The following PPP3CA variants were observed in gnomAD, a reference collection of about 807,000 sequenced individuals.
The protein encoded by PPP3CA is CAM-PRP catalytic subunit.
PPP3CA carries 14 observed loss-of-function variants against 66.5 expected under a neutral mutation model. The ratio of observed to expected loss-of-function variants is 0.21; its 90% CI spans 0.14 to 0.33. The LOEUF (loss-of-function observed/expected upper bound fraction) is 0.33, where lower values mean the gene tolerates loss of function less well. Ranked by LOEUF, PPP3CA falls within the 10% of genes least tolerant of loss-of-function variation. The probability of loss-of-function intolerance (pLI) is 1.00; values close to 1 mark genes in which losing one functional copy is unlikely to be tolerated. For missense variants in PPP3CA, 317 were observed against 639.5 expected (o/e 0.50, Z 5.44); for synonymous variants, 232 against 226.2 (o/e 1.03, Z -0.23).
At chr4:101,191,899 A>T (rs1724616611) in intron 2 of PPP3CA, among the ~76,000 whole-genome samples, 1 of 152,170 alleles carries the variant, frequency 6.6e-6, no homozygotes, top group Non-Finnish European at 1.5e-5. Context: ...TGACCCAGGG[A>T]CAAATCCCCC....
At chr4:101,323,004 C>T (rs764372692) in intron 1 of PPP3CA, among the ~76,000 whole-genome samples, 2 of 152,086 alleles carry the variant, frequency 1.3e-5, no homozygotes, top group Non-Finnish European at 2.9e-5. Context: ...ATGAGAACAG[C>T]ATTAAAATAA....
At chr4:101,201,433 G>A (rs1373694595) in intron 1 of PPP3CA, among the ~76,000 whole-genome samples, 3 of 152,206 alleles carry the variant, frequency 2.0e-5, no homozygotes, top group Admixed American at 2.0e-4. Flanking sequence ...TAGGGCCAGG[G>A]CATTGGCCTA....
At chr4:101,083,051 T>G in intron 7 of PPP3CA, 135 bp downstream of exon 7, 1 of 543,506 alleles carries the variant, frequency 1.8e-6, no homozygotes, top group Non-Finnish European at 3.0e-6. Flanking sequence ...GTGTCATCCA[T>G]CAGAAGATAA....
intron 1 of PPP3CA, among the ~76,000 whole-genome samples, chr4:101,245,674 T>G (rs545733387): frequency 7.2e-5 from 11 of 151,986 alleles, no homozygotes; most frequent in Non-Finnish European, 1.0e-4. Context: ...CTATATTGGT[T>G]CCATCAATAT....
intron 1 of PPP3CA, among the ~76,000 whole-genome samples, chr4:101,289,249 A>G (rs1727943392): frequency 6.6e-6 from 1 of 152,234 alleles, no homozygotes; most frequent in Non-Finnish European, 1.5e-5. Context: ...ATATATACAT[A>G]TAGGTGTAAT....
At chr4:101,042,506 G>A (rs149046738) in intron 10 of PPP3CA, among the ~76,000 whole-genome samples, 1 of 152,244 alleles carries the variant, frequency 6.6e-6, no homozygotes, top group East Asian at 1.9e-4. Context: ...ATCCATGTGG[G>A]AGACAGCTGT....
At chr4:101,142,744 T>G (rs1722848447) in intron 2 of PPP3CA, among the ~76,000 whole-genome samples, 1 of 152,184 alleles carries the variant, frequency 6.6e-6, no homozygotes, top group African/African-American at 2.4e-5. Flanking sequence ...TAAAAACAAC[T>G]GTCATAATTA....
chr4:101,186,702 T>A (rs1724420952), intron 2 of PPP3CA, among the ~76,000 whole-genome samples: 1 of 152,130 alleles, frequency 6.6e-6, no homozygotes. Flanking sequence ...AGGGGACAGC[T>A]GTGGTTAGGA....
intron 1 of PPP3CA, among the ~76,000 whole-genome samples, chr4:101,221,627 A>C (rs983543456): frequency 2.0e-4 from 31 of 151,596 alleles, no homozygotes; most frequent in African/African-American, 7.2e-4. Context: ...TAAACAGACT[A>C]CTTTATTGAA....
At chr4:101,274,714 T>C (rs566440952) in intron 1 of PPP3CA, among the ~76,000 whole-genome samples, 11 of 152,200 alleles carry the variant, frequency 7.2e-5, no homozygotes, top group Non-Finnish European at 1.5e-4. Context: ...TGTTGTCCAA[T>C]TAGTAAAATC....
chr4:101,126,275 A>G (rs1288670903), intron 2 of PPP3CA, among the ~76,000 whole-genome samples: 1 of 152,200 alleles, frequency 6.6e-6, no homozygotes, highest in Non-Finnish European at 1.5e-5. Context: ...AGTAGTTTTC[A>G]TACAAAGATC....
intron 2 of PPP3CA, among the ~76,000 whole-genome samples, chr4:101,158,559 G>A (rs545716950): frequency 6.6e-6 from 1 of 152,282 alleles, no homozygotes; most frequent in East Asian, 1.9e-4. Flanking sequence ...ATAATTAAAT[G>A]TCAGATGAGA....
At chr4:101,202,454 A>C (rs77719513) in intron 1 of PPP3CA, among the ~76,000 whole-genome samples, 290 of 152,304 alleles carry the variant, frequency 1.9e-3, no homozygotes, top group East Asian at 0.014. Flanking sequence ...ATTAAAAAAA[A>C]GTATATCAGT....
chr4:101,266,961 C>T (rs1182016526), intron 1 of PPP3CA, among the ~76,000 whole-genome samples: 1 of 152,176 alleles, frequency 6.6e-6, no homozygotes, highest in Non-Finnish European at 1.5e-5. Context: ...ATGAGACAGA[C>T]GAACACCCCT....
intron 1 of PPP3CA, among the ~76,000 whole-genome samples, chr4:101,213,690 T>C (rs950695559): frequency 5.9e-5 from 9 of 152,280 alleles, no homozygotes; most frequent in Non-Finnish European, 1.3e-4. Context: ...ATCACAGTGT[T>C]CGTTTTATAG....
chr4:101,201,259 G>C (rs950922276), intron 1 of PPP3CA, among the ~76,000 whole-genome samples: 4 of 152,158 alleles, frequency 2.6e-5, no homozygotes, highest in Non-Finnish European at 5.9e-5. Context: ...ATGAGAACAA[G>C]GTGAGTGGAA....
At chr4:101,152,659 C>A (rs1334780548) in intron 2 of PPP3CA, among the ~76,000 whole-genome samples, 1 of 152,140 alleles carries the variant, frequency 6.6e-6, no homozygotes, top group African/African-American at 2.4e-5. Context: ...AGTCCTTGTA[C>A]AACTCTTTCT....
intron 1 of PPP3CA, among the ~76,000 whole-genome samples, chr4:101,337,716 G>C (rs184176727): frequency 3.3e-5 from 5 of 152,326 alleles, no homozygotes; most frequent in Admixed American, 6.5e-5. Flanking sequence ...GCTTGGAAAG[G>C]CCCAGCTGGC....
intron 8 of PPP3CA, among the ~76,000 whole-genome samples, chr4:101,079,585 G>A (rs146536210): frequency 0.012 from 1,874 of 152,072 alleles, 41 homozygotes; most frequent in African/African-American, 0.043. Context: ...GTTTCACCGT[G>A]TTAGCCAGTT....
Sources: allele counts gnomAD v4.1 joint callset (sites outside exome capture counted in the v4.1 genomes callset), GRCh38; gene constraint gnomAD v4.1.1; transcripts MANE v1.5; gene names NCBI Gene and HGNC (gene_info 2026-07-23, HGNC 2026-07-21).